PCCA: variants seen among roughly 807,000 people sequenced by gnomAD.
The protein encoded by PCCA is propionyl-CoA carboxylase subunit alpha.
A neutral mutation model predicts 101.3 loss-of-function variants in PCCA; 74 were observed. That is an observed-to-expected ratio of 0.73 (90% CI 0.61 to 0.89). The LOEUF (loss-of-function observed/expected upper bound fraction) is 0.89. Ranked by LOEUF, PCCA falls within the 40% of genes least tolerant of loss-of-function variation. The pLI is 0.00. For synonymous variants in PCCA, 294 were observed against 313.6 expected (o/e 0.94, Z 0.66); for missense variants, 891 against 907.0 (o/e 0.98, Z 0.23).
intron 10 of PCCA, among the ~76,000 whole-genome samples, chr13:100,263,920 G>GATACGGTATCTGTATGTCATAT (rs1394849178): frequency 2.7e-5 from 4 of 146,056 alleles, no homozygotes; most frequent in African/African-American, 7.6e-5. Flanking sequence ...GTATGTCATA[G>GATACGGTATCTGTATGTCATAT]ATACGGTATC....
chr13:100,516,736 C>CGT (rs3840000), intron 22 of PCCA, among the ~76,000 whole-genome samples: 13,556 of 144,986 alleles, frequency 0.093, 691 homozygotes, highest in Middle Eastern at 0.21. Context: ...AGAAAAATTA[C>CGT]GTGTGTGTGT....
chr13:100,127,248 T>A (rs2050041235), intron 4 of PCCA, among the ~76,000 whole-genome samples: 1 of 152,228 alleles, frequency 6.6e-6, no homozygotes, highest in African/African-American at 2.4e-5. Context: ...CCAGCTTTTT[T>A]TAATCTGTGG....
intron 1 of PCCA, among the ~76,000 whole-genome samples, chr13:100,091,773 T>A (rs1594018273): frequency 6.6e-6 from 1 of 151,898 alleles, no homozygotes. Flanking sequence ...TTAGTCTTAT[T>A]TGTTTTGTGT....
chr13:100,378,295 C>T (rs536139896), intron 19 of PCCA, among the ~76,000 whole-genome samples: 32 of 152,280 alleles, frequency 2.1e-4, no homozygotes, highest in African/African-American at 5.8e-4. Context: ...GCTAAGATGT[C>T]GACTGTTAGT....
intron 6 of PCCA, among the ~76,000 whole-genome samples, chr13:100,177,780 A>G (rs2056378500): frequency 6.6e-6 from 1 of 152,232 alleles, no homozygotes; most frequent in African/African-American, 2.4e-5. Flanking sequence ...TCAGAACTAA[A>G]AAAGACCAAA....
chr13:100,112,792 T>G (rs2152280936), intron 4 of PCCA, among the ~76,000 whole-genome samples: 1 of 152,212 alleles, frequency 6.6e-6, no homozygotes, highest in African/African-American at 2.4e-5. Flanking sequence ...GCCAGGCTGG[T>G]GTTGAACTCC....
chr13:100,340,628 A>T (rs765321534), intron 18 of PCCA, among the ~76,000 whole-genome samples: 2 of 152,220 alleles, frequency 1.3e-5, no homozygotes, highest in Non-Finnish European at 2.9e-5. Flanking sequence ...CAGTTAAAAA[A>T]ATATATATCA....
chr13:100,187,256 G>T (rs575378081), intron 6 of PCCA, among the ~76,000 whole-genome samples: 17 of 152,284 alleles, frequency 1.1e-4, no homozygotes, highest in Non-Finnish European at 2.2e-4. Context: ...TATCCTCCAT[G>T]ATTAAAAAAA....
Position 100,481,591 on chromosome 13 carries a change from C to G in PCCA, c.1899+32286C>G, listed in dbSNP as rs537259984. Among the ~76,000 whole-genome samples, 8 of 152,054 alleles carry G rather than the reference C, an allele frequency of 5.3e-5. No homozygotes were observed. The South Asian group carries it at 1.7e-3, about 32-fold the overall frequency. On this transcript the variant is annotated intron_variant, in intron 21 of 23. Coordinates refer to ENST00000376285, the MANE Select transcript of PCCA (RefSeq NM_000282.4). ...AAAAGGAACCTAAGCACTGAGACCC[C>G]CTGACAGTAGATCTGGTAACTGAGA...
At chr13:100,416,228 G>A (rs1043734695) in intron 19 of PCCA, among the ~76,000 whole-genome samples, 19 of 150,450 alleles carry the variant, frequency 1.3e-4, no homozygotes, top group South Asian at 4.2e-4. Flanking sequence ...TCGCTCTGTC[G>A]CCCAGGCTGG....
chr13:100,197,269 G>A (rs1295757888), intron 6 of PCCA, among the ~76,000 whole-genome samples: 1 of 152,034 alleles, frequency 6.6e-6, no homozygotes, highest in Admixed American at 6.6e-5. Context: ...GTGCAGTGGT[G>A]TGAACATGGC....
At chr13:100,175,653 C>G (rs2056166813) in intron 6 of PCCA, among the ~76,000 whole-genome samples, 1 of 152,152 alleles carries the variant, frequency 6.6e-6, no homozygotes, top group Admixed American at 6.5e-5. Flanking sequence ...TGCCCTTGTT[C>G]AAGAGTTGTT....
intron 17 of PCCA, among the ~76,000 whole-genome samples, chr13:100,335,690 C>T (rs906869434): frequency 6.6e-6 from 1 of 152,114 alleles, no homozygotes; most frequent in Admixed American, 6.5e-5. Flanking sequence ...GACAAAGGAT[C>T]GAGGGAACAT....
intron 21 of PCCA, among the ~76,000 whole-genome samples, chr13:100,452,760 G>C (rs1282922354): frequency 6.6e-5 from 10 of 152,186 alleles, no homozygotes; most frequent in African/African-American, 2.4e-4. Context: ...CTTGAGTGCA[G>C]GGTGATTTGT....
chr13:100,221,891 C>G (rs1372022926), intron 7 of PCCA, among the ~76,000 whole-genome samples: 1 of 151,878 alleles, frequency 6.6e-6, no homozygotes. Flanking sequence ...ACATGAACCA[C>G]CATGTCCAGC....
At chr13:100,466,671 A>C (rs189285918) in intron 21 of PCCA, among the ~76,000 whole-genome samples, 2 of 152,154 alleles carry the variant, frequency 1.3e-5, no homozygotes, top group Non-Finnish European at 2.9e-5. Context: ...CAGCCTGGCC[A>C]ACATGGTGAA....
chr13:100,157,743 C>G (rs564519063), intron 6 of PCCA, among the ~76,000 whole-genome samples: 10 of 152,162 alleles, frequency 6.6e-5, no homozygotes, highest in African/African-American at 2.2e-4. Context: ...TTTTAATGAT[C>G]TAAATGTCCC....
At chr13:100,305,876 G>T in intron 14 of PCCA, 1 of 412,222 alleles carries the variant, frequency 2.4e-6, no homozygotes, top group South Asian at 2.0e-5. Context: ...TAAGATTTTT[G>T]TATATGAATG....
At chr13:100,420,578 C>A (rs942009464) in intron 19 of PCCA, among the ~76,000 whole-genome samples, 2 of 151,794 alleles carry the variant, frequency 1.3e-5, no homozygotes, top group Non-Finnish European at 2.9e-5. Context: ...TGCCCTATCT[C>A]AAAAAAACAA....
Sources: allele counts gnomAD v4.1 joint callset (sites outside exome capture counted in the v4.1 genomes callset), GRCh38; gene constraint gnomAD v4.1.1; transcripts MANE v1.5; gene names NCBI Gene and HGNC (gene_info 2026-07-23, HGNC 2026-07-21).